GIGYF2: variants seen among roughly 807,000 people sequenced by gnomAD.
The protein encoded by GIGYF2 is GRB10-interacting GYF protein 2.
Under a neutral mutation model 208.1 loss-of-function variants are expected in GIGYF2, and 25 were observed. That is an observed-to-expected ratio of 0.12 (90% confidence interval 0.09 to 0.17). The LOEUF (loss-of-function observed/expected upper bound fraction) is 0.17, where lower values mean the gene tolerates loss of function less well. Ranked by LOEUF, GIGYF2 falls within the 10% of genes least tolerant of loss-of-function variation. The pLI is 1.00. For missense variants in GIGYF2, 1,302 were observed against 1,579.4 expected (o/e 0.82, Z 2.98); for synonymous variants, 534 against 543.8 (o/e 0.98, Z 0.25).
intron 8 of GIGYF2, among the ~76,000 whole-genome samples, chr2:232,775,754 A>G (rs1305325873): frequency 6.6e-6 from 1 of 152,240 alleles, no homozygotes; most frequent in Non-Finnish European, 1.5e-5. Context: ...AGTATAGTTC[A>G]TACTGAGGAG....
At chr2:232,725,553 T>C (rs1697159161) in intron 2 of GIGYF2, among the ~76,000 whole-genome samples, 1 of 152,238 alleles carries the variant, frequency 6.6e-6, no homozygotes, top group Non-Finnish European at 1.5e-5. Context: ...AGCGAATACA[T>C]ATGAAGCACT....
chr2:232,731,055 A>G (rs1330728276), intron 2 of GIGYF2: 1 of 152,200 alleles, frequency 6.6e-6, no homozygotes. Flanking sequence ...TGTAGTACTC[A>G]AAGATTTATA....
chr2:232,784,386 CTTTTTTTTT>C (rs10645449), intron 8 of GIGYF2, among the ~76,000 whole-genome samples: 4 of 92,312 alleles, frequency 4.3e-5, no homozygotes, highest in Admixed American at 1.6e-4. Context: ...GAAATAATTT[CTTTTTTTTT>C]TTTTTTTTTT....
chr2:232,699,821 C>A (rs183149359), intron 1 of GIGYF2, among the ~76,000 whole-genome samples: 14 of 152,264 alleles, frequency 9.2e-5, no homozygotes, highest in Admixed American at 9.2e-4. Flanking sequence ...CTGTGCTGTC[C>A]AGCCCGGAGA....
chr2:232,855,621 A>C (rs951164284), intron 28 of GIGYF2, among the ~76,000 whole-genome samples: 3 of 152,232 alleles, frequency 2.0e-5, no homozygotes, highest in Non-Finnish European at 2.9e-5. Context: ...TCTTACCCTG[A>C]GTATCAAAAG....
At chr2:232,782,640 C>T (rs1699756194) in intron 8 of GIGYF2, 2 of 152,176 alleles carry the variant, frequency 1.3e-5, no homozygotes, top group South Asian at 4.1e-4. Context: ...AAAATATTCC[C>T]TGTAACAATG....
intron 14 of GIGYF2, among the ~76,000 whole-genome samples, chr2:232,802,310 T>C (rs1283347283): frequency 1.3e-5 from 2 of 152,094 alleles, no homozygotes; most frequent in African/African-American, 4.8e-5. Context: ...GTGGTGAAAG[T>C]GGGCGTCCTT....
At chr2:232,847,784 G>A (rs965576891) in intron 27 of GIGYF2, among the ~76,000 whole-genome samples, 5 of 152,136 alleles carry the variant, frequency 3.3e-5, no homozygotes, top group Non-Finnish European at 5.9e-5. Flanking sequence ...TTTTACACTA[G>A]GTTTACCAGT....
chr2:232,747,241 G>A (rs578234866), intron 3 of GIGYF2, among the ~76,000 whole-genome samples: 6 of 152,118 alleles, frequency 3.9e-5, no homozygotes, highest in African/African-American at 1.4e-4. Context: ...CCAACACCTG[G>A]TATTATCAGA....
intron 14 of GIGYF2, among the ~76,000 whole-genome samples, chr2:232,801,574 A>G (rs1255747678): frequency 1.3e-5 from 2 of 152,214 alleles, no homozygotes; most frequent in Non-Finnish European, 2.9e-5. Flanking sequence ...TTAAATACGC[A>G]TACATATTAT....
chr2:232,819,840 G>A lies in GIGYF2; in HGVS notation c.2384G>A (p.Arg795His), dbSNP rs200601366. 299 of 1,544,326 alleles carry A rather than the reference G, an allele frequency of 1.9e-4. No individual in the cohort carries two copies. Among genetic ancestry groups the A allele is most frequent in the Admixed American group, 3.7e-4 (20 of 53,668 alleles). ...TTTTTTCCTTAGGAAGAGGCTCTGC[G>A]TCGCCAGCGGGAGCAAGAAATTGCA... ...LARRKQEEAL[R>H]RQREQEIALR... Residue 795 changes from arginine to histidine, a missense_variant, in exon 21 of 29, where the codon CGT becomes CAT. Around this residue, in one of 8 missense-constraint regions of GIGYF2, gnomAD observed 701 missense variants for 793.0 expected, o/e 0.88. Transcript: ENST00000373563.
At position 232,794,885 on chromosome 2, in the gene GIGYF2, G is replaced by A; in HGVS notation, c.1420G>A (p.Gly474Ser). Residue 474 changes from glycine to serine, a missense_variant, in exon 13 of 29, where the codon GGT (glycine) becomes AGT (serine). This residue lies in a region of GIGYF2 where 235 missense variants were observed against 218.8 expected (regional missense o/e 1.07). Coordinates refer to ENST00000373563, the MANE Select transcript of GIGYF2 (RefSeq NM_001103146.3). ...PVETPVVGAP[G>S]MGSVSTEPDD... ...TGAAACACCAGTTGTAGGTGCTCCT[G>A]GTATGGGCAGTGTTTCCACAGAACC... is the stretch of plus-strand genomic sequence containing the variant. The A allele has an allele frequency of 6.2e-7, 1 of 1,613,896 alleles. No homozygotes were observed. Among genetic ancestry groups the A allele is most frequent in the Non-Finnish European group, 8.5e-7 (1 of 1,179,856 alleles).
intron 2 of GIGYF2, among the ~76,000 whole-genome samples, chr2:232,710,097 C>T (rs1696317772): frequency 6.6e-6 from 1 of 151,794 alleles, no homozygotes; most frequent in African/African-American, 2.4e-5. Context: ...GTAGCTGGGA[C>T]TACAGGCACC....
chr2:232,852,207 AAAC>A (rs1690370627), intron 28 of GIGYF2, among the ~76,000 whole-genome samples: 1 of 152,210 alleles, frequency 6.6e-6, no homozygotes, highest in Non-Finnish European at 1.5e-5. Context: ...GCCCTGGTGA[AAAC>A]AACATGACAG....
chr2:232,838,404 G>C lies in GIGYF2; in HGVS notation c.2767-1445G>C, dbSNP rs148716183. On this transcript the variant is annotated intron_variant, in intron 22 of 28. Coordinates refer to ENST00000373563, the MANE Select transcript of GIGYF2 (RefSeq NM_001103146.3). Reference sequence around the variant, plus strand: ...GCACAGCAATAGGAAGATTCTCAGAGGTGCCCGTGAGGATAGATGGCCATT... The same window carrying C: ...GCACAGCAATAGGAAGATTCTCAGACGTGCCCGTGAGGATAGATGGCCATT... Among the ~76,000 whole-genome samples, 455 of 152,236 alleles carry C rather than the reference G, an allele frequency of 3.0e-3. 5 individuals carry two copies. Among genetic ancestry groups the C allele is most frequent in the African/African-American group, 0.01 (434 of 41,538 alleles).
chr2:232,839,818 A>G (rs1217593790), intron 22 of GIGYF2, 31 bp from the exon 23 acceptor site: 2 of 1,613,174 alleles, frequency 1.2e-6, no homozygotes, highest in Non-Finnish European at 1.7e-6. Flanking sequence ...ACATTTCCTC[A>G]TGAACTTTCT....
At chr2:232,833,347 A>G (rs571864944) in intron 22 of GIGYF2, among the ~76,000 whole-genome samples, 42 of 152,240 alleles carry the variant, frequency 2.8e-4, no homozygotes, top group Admixed American at 6.5e-4. Context: ...CAGCCTTCCC[A>G]GTAGCTGAGA....
Position 232,856,996 on chromosome 2 carries a change from C to G in GIGYF2, c.*136C>G, listed in dbSNP as rs919279535. The G allele has an allele frequency of 2.4e-5, 18 of 749,962 alleles. No individual in the cohort carries two copies. In the African/African-American group the frequency reaches 2.9e-4, roughly 12 times the overall value. The allele number at this position is 749,962 out of a possible 1,614,324, so 46.5% of individuals were successfully genotyped here. A position where few individuals can be genotyped will look rare whatever the true frequency, so the allele number is the denominator to read the frequency against. ...CAGAACCGATCATCTCAGGCTTTTT[C>G]TTCTGGCCCTTTGTGTCCAAGATTC... On this transcript the variant is annotated 3_prime_UTR_variant, in exon 29 of 29. Coordinates refer to ENST00000373563, the MANE Select transcript of GIGYF2 (RefSeq NM_001103146.3).
intron 12 of GIGYF2, among the ~76,000 whole-genome samples, chr2:232,792,656 T>G (rs1700104919): frequency 6.6e-6 from 1 of 152,202 alleles, no homozygotes; most frequent in Non-Finnish European, 1.5e-5. Context: ...TGGGCTCAAG[T>G]GATCCTCCTG....
Sources: allele counts gnomAD v4.1 joint callset (sites outside exome capture counted in the v4.1 genomes callset), GRCh38; gene constraint gnomAD v4.1.1; regional missense constraint gnomAD v4.1.1; transcripts MANE v1.5; gene names NCBI Gene and HGNC (gene_info 2026-07-23, HGNC 2026-07-21).